RFX6: variants seen among roughly 807,000 people sequenced by gnomAD.
RFX6 encodes DNA-binding protein RFX6.
A neutral mutation model predicts 110.8 loss-of-function variants in RFX6; 50 were observed. The observed-to-expected ratio is 0.45, with a 90% CI of 0.36 to 0.57. The LOEUF is 0.57. Ranked by LOEUF, RFX6 falls within the 20% of genes least tolerant of loss-of-function variation. The probability of loss-of-function intolerance (pLI) is 0.00; values close to 1 mark genes in which losing one functional copy is unlikely to be tolerated. For missense variants in RFX6, 990 were observed against 1,127.0 expected, an observed-to-expected ratio of 0.88 and a Z score of 1.74; for synonymous variants, 383 against 411.2, an observed-to-expected ratio of 0.93 and a Z score of 0.83.
At chr6:116,907,773 C>T (rs903334219) in intron 6 of RFX6, among the ~76,000 whole-genome samples, 2 of 152,034 alleles carry the variant, frequency 1.3e-5, no homozygotes, top group Non-Finnish European at 2.9e-5. Context: ...ATCCTCTATA[C>T]TCTTACTTAA....
At chr6:116,918,815 C>A (rs1775530062) in intron 10 of RFX6, among the ~76,000 whole-genome samples, 2 of 152,036 alleles carry the variant, frequency 1.3e-5, no homozygotes, top group African/African-American at 4.8e-5. Flanking sequence ...TCAATAATGT[C>A]TTTTAATTAT....
At position 116,925,936 on chromosome 6, in the gene RFX6, A is replaced by G. The variant is rs17078482; in HGVS notation, c.1885+277A>G. Among the ~76,000 whole-genome samples the G allele has an allele frequency of 0.019, 2,933 of 152,314 alleles. 85 individuals are homozygous for G. The highest frequency in any genetic ancestry group is 0.067 in the African/African-American group (2,799 of 41,552). ...TGGAAGAAATAATTAGATGAGGTAT[A>G]CATAAAATTCTTAAGATGCTTTGAA... On this transcript the variant is annotated intron_variant, in intron 16 of 18. Transcript: ENST00000332958.
intron 14 of RFX6, 72 bp downstream of exon 14, chr6:116,923,296 A>G: frequency 2.5e-6 from 2 of 811,222 alleles, no homozygotes; most frequent in Non-Finnish European, 4.5e-6. Context: ...AGTTCCTGTC[A>G]ATTTTTAAAC....
At chr6:116,930,118 A>G (rs1775851959) in intron 18 of RFX6, among the ~76,000 whole-genome samples, 1 of 152,226 alleles carries the variant, frequency 6.6e-6, no homozygotes, top group African/African-American at 2.4e-5. Flanking sequence ...TTGACGAAAC[A>G]TAGGTTAAGA....
rs535297853 is a variant in RFX6, at chr6:116,928,922, G to T, written c.2562G>T (p.Ser854=). The part of the protein sequence containing the change: ...LDDSGRKQTS[S]FYTDTSSPVA... ...ACAGTGGTAGAAAACAGACCAGCTCGTTTTACACAGACACATCATCTCCAG... is the reference window on the plus strand; with the variant it reads ...ACAGTGGTAGAAAACAGACCAGCTCTTTTTACACAGACACATCATCTCCAG... Residue 854 remains serine, a synonymous_variant, in exon 18 of 19, where the codon TCG becomes TCT. Transcript: ENST00000332958. 3.1e-6 allele frequency: 5 copies of T among 1,613,714 alleles called. No individual in the cohort carries two copies. Among genetic ancestry groups the T allele is most frequent in the Non-Finnish European group, 4.2e-6 (5 of 1,179,674 alleles).
At chr6:116,923,515 A>G (rs1209830755) in intron 14 of RFX6, 4 of 398,418 alleles carry the variant, frequency 1.0e-5, no homozygotes, top group Non-Finnish European at 1.9e-5. Flanking sequence ...GATGTATATA[A>G]AAACAAATTG....
In RFX6 at chr6:116,877,315, G is replaced by T. The variant is rs747343451; in HGVS notation, c.40G>T (p.Ala14Ser). 8.1e-6 allele frequency: 13 copies of T among 1,612,688 alleles called. No homozygotes were observed. The highest frequency in any genetic ancestry group is 1.3e-5 in the African/African-American group (1 of 74,912). ...VPELEDTFLQAQPAPQLSPGI... is the reference protein window; with the variant it reads ...VPELEDTFLQSQPAPQLSPGI... The stretch of plus-strand genomic sequence containing the variant: ...GGAGCTGGAAGACACCTTCCTGCAG[G>T]CGCAGCCTGCGCCCCAACTGTCCCC... The change falls in exon 1 of 19, where the codon GCG (alanine) becomes TCG (serine). Residue 14 changes from alanine (A) to serine (S), a missense_variant. This residue lies in a region of RFX6 where 175 missense variants were observed against 162.3 expected (regional missense o/e 1.08). Coordinates refer to ENST00000332958, the MANE Select transcript of RFX6 (RefSeq NM_173560.4).
At chr6:116,884,143 A>G (rs1379981628) in intron 4 of RFX6, among the ~76,000 whole-genome samples, 1 of 152,086 alleles carries the variant, frequency 6.6e-6, no homozygotes, top group African/African-American at 2.4e-5. Flanking sequence ...TTTCCCATAT[A>G]TGTATGTTGA....
At chr6:116,912,368 T>TA (rs1000502339) in intron 7 of RFX6, among the ~76,000 whole-genome samples, 5 of 151,900 alleles carry the variant, frequency 3.3e-5, no homozygotes, top group East Asian at 1.9e-4. Context: ...AATATACCCT[T>TA]AAAAAAAAGA....
intron 6 of RFX6, among the ~76,000 whole-genome samples, chr6:116,907,225 G>A (rs1035685865): frequency 1.3e-5 from 2 of 151,942 alleles, no homozygotes; most frequent in African/African-American, 4.8e-5. Context: ...TTTATGGTGT[G>A]TAATCCTGTT....
intron 4 of RFX6, chr6:116,884,859 C>T (rs1363656983): frequency 6.6e-6 from 1 of 152,146 alleles, no homozygotes; most frequent in African/African-American, 2.4e-5. Context: ...AAGGCATTAA[C>T]AATTTGAATT....
At chr6:116,918,845 T>C (rs924813348) in intron 10 of RFX6, among the ~76,000 whole-genome samples, 2 of 152,286 alleles carry the variant, frequency 1.3e-5, no homozygotes, top group South Asian at 4.1e-4. Flanking sequence ...TCTTTAAATA[T>C]CTATTCTGTA....
chr6:116,911,404 A>C (rs1775348157), intron 7 of RFX6, among the ~76,000 whole-genome samples: 1 of 152,180 alleles, frequency 6.6e-6, no homozygotes, highest in African/African-American at 2.4e-5. Context: ...GCAAATGGTC[A>C]TCAAGCATTT....
At chr6:116,906,283 A>T (rs1775200564) in intron 6 of RFX6, among the ~76,000 whole-genome samples, 1 of 152,196 alleles carries the variant, frequency 6.6e-6, no homozygotes, top group Non-Finnish European at 1.5e-5. Flanking sequence ...ACTTTATAGT[A>T]CGTTTGAAAT....
intron 6 of RFX6, among the ~76,000 whole-genome samples, chr6:116,901,462 T>C (rs574087174): frequency 6.6e-6 from 1 of 152,296 alleles, no homozygotes; most frequent in African/African-American, 2.4e-5. Context: ...TGGACAGCAC[T>C]GTTCTAGAAT....
At chr6:116,926,036 G>T (rs1206840758) in intron 16 of RFX6, among the ~76,000 whole-genome samples, 1 of 152,156 alleles carries the variant, frequency 6.6e-6, no homozygotes, top group Non-Finnish European at 1.5e-5. Flanking sequence ...GTAGTTTCGG[G>T]CTGGGTATGG....
chr6:116,883,315 T>A (rs886228620), intron 4 of RFX6, among the ~76,000 whole-genome samples: 18 of 152,092 alleles, frequency 1.2e-4, no homozygotes, highest in African/African-American at 3.9e-4. Context: ...GAAAACTACC[T>A]CTATAGCTTC....
chr6:116,882,818 C>G (rs1219401893), intron 4 of RFX6, among the ~76,000 whole-genome samples: 1 of 152,116 alleles, frequency 6.6e-6, no homozygotes, highest in Non-Finnish European at 1.5e-5. Flanking sequence ...CTCTAGTTTT[C>G]TTTCTGAGAC....
intron 2 of RFX6, among the ~76,000 whole-genome samples, chr6:116,880,065 A>G (rs1002504405): frequency 1.3e-5 from 2 of 152,042 alleles, no homozygotes; most frequent in Non-Finnish European, 2.9e-5. Flanking sequence ...GTGTTTTGCA[A>G]ATAAATGCAT....
Sources: gnomAD v4.1 joint callset for allele counts (sites outside exome capture counted in the v4.1 genomes callset) on GRCh38, gnomAD v4.1.1 for gene constraint, gnomAD v4.1.1 regional missense constraint, MANE v1.5 for transcripts, NCBI Gene and HGNC (gene_info 2026-07-23, HGNC 2026-07-21) for gene names.